The following ZNF69 variants were observed in gnomAD, a reference collection of about 807,000 sequenced individuals.
ZNF69 encodes the protein ZNF3.
A neutral mutation model predicts 50.9 loss-of-function variants in ZNF69; 47 were observed. The observed-to-expected ratio is 0.92, with a 90% CI of 0.73 to 1.18. The LOEUF (loss-of-function observed/expected upper bound fraction) is 1.18. Ranked by LOEUF, ZNF69 falls within the 50% of genes most tolerant of loss-of-function variation. ZNF69 has a pLI of 0.00. For synonymous variants in ZNF69, 216 were observed against 223.1 expected, an observed-to-expected ratio of 0.97 and a Z score of 0.29; for missense variants, 717 against 675.1, an observed-to-expected ratio of 1.06 and a Z score of -0.69.
chr19:11,967,108 G>A, the ZNF69 span, among the ~76,000 whole-genome samples: 1 of 152,218 alleles, frequency 6.6e-6, no homozygotes, highest in Non-Finnish European at 1.5e-5. Context: ...GCCAAGGCGG[G>A]AGGATCACTT....
At chr19:11,911,139 G>A (rs1252978855), downstream of ZNF69, among the ~76,000 whole-genome samples, 1 of 152,156 alleles carries the variant, frequency 6.6e-6, no homozygotes, top group Non-Finnish European at 1.5e-5. Context: ...TCTCACACCA[G>A]TTAGAATGGC....
chr19:11,949,050 C>T, the ZNF69 span: 1 of 1,608,190 alleles, frequency 6.2e-7, no homozygotes. Context: ...ATGGGGAAGG[C>T]TTATCCTATC....
Position 11,903,694 on chromosome 19 carries a change from C to T in ZNF69, c.185C>T (p.Ser62Phe). ...VMLETFRNLT[S>F]VGKSWKDQNI... is the part of the protein sequence containing the mutation. The stretch of plus-strand genomic sequence containing the variant: ...CTGGAAACTTTCAGGAACCTGACCT[C>T]TGTAGGTAAGGATGACATATTCCTT... The change falls in exon 2 of 4, where the codon TCT becomes TTT. Residue 62 changes from serine to phenylalanine, a missense_variant. Physicochemically the swap from Ser to Phe is radical, Grantham distance 155. Transcript: ENST00000429654. The T allele has an allele frequency of 6.2e-7, 1 of 1,614,000 alleles. No homozygotes were observed. Among genetic ancestry groups the T allele is most frequent in the African/African-American group, 1.3e-5 (1 of 75,030 alleles).
chr19:11,937,433 C>G, the ZNF69 span, among the ~76,000 whole-genome samples: 117 of 151,534 alleles, frequency 7.7e-4, no homozygotes, highest in African/African-American at 2.5e-3. Flanking sequence ...CTGCCTTGGC[C>G]TCTGGTTTTG....
the ZNF69 span, among the ~76,000 whole-genome samples, chr19:11,921,979 G>A: frequency 6.6e-6 from 1 of 152,122 alleles, no homozygotes; most frequent in East Asian, 1.9e-4. Flanking sequence ...GGCAAGGCAA[G>A]GGTTAAAAAG....
At chr19:11,925,231 G>A in the ZNF69 span, 1 of 1,613,132 alleles carries the variant, frequency 6.2e-7, no homozygotes, top group Non-Finnish European at 8.5e-7. Flanking sequence ...GTAGTCACAG[G>A]AGCTGTAGAG....
At chr19:11,948,678 G>T in the ZNF69 span, 2 of 1,612,166 alleles carry the variant, frequency 1.2e-6, no homozygotes, top group Non-Finnish European at 1.7e-6. Flanking sequence ...TGCACAGTGG[G>T]GATGGAACTT....
At position 11,887,845 on chromosome 19, in the gene ZNF69, C is replaced by A; in HGVS notation, c.-79C>A. 1.5e-6 allele frequency: 2 copies of A among 1,338,234 alleles called. No individual in the cohort carries two copies. Among genetic ancestry groups the A allele is most frequent in the Non-Finnish European group, 2.1e-6 (2 of 949,122 alleles). 82.9% of individuals were successfully genotyped at this position (1,338,234 alleles called of 1,614,324 possible). Reference sequence around the variant, plus strand: ...CTCACCTTTGTCCCTGCGCGGGCTGCGGCTGGGATCCGGTCTTTCCAGCCC... The same window carrying A: ...CTCACCTTTGTCCCTGCGCGGGCTGAGGCTGGGATCCGGTCTTTCCAGCCC... On this transcript the variant is annotated 5_prime_UTR_variant, in exon 1 of 4. Transcript: ENST00000429654.
downstream of ZNF69, among the ~76,000 whole-genome samples, chr19:11,907,122 T>C (rs1472081014): frequency 2.0e-5 from 3 of 152,034 alleles, no homozygotes; most frequent in African/African-American, 4.8e-5. Flanking sequence ...AAGAGAAGTT[T>C]AGAGAAAAAA....
chr19:11,895,983 G>T (rs566432066), intron 1 of ZNF69, among the ~76,000 whole-genome samples: 1 of 152,084 alleles, frequency 6.6e-6, no homozygotes, highest in African/African-American at 2.4e-5. Context: ...ACTTTGGGAG[G>T]CTGAGGCGGG....
At chr19:11,913,348 A>T in intron 4 of ZNF69, 2 of 562,124 alleles carry the variant, frequency 3.6e-6, no homozygotes, top group South Asian at 2.3e-5. Flanking sequence ...TTTACTTTTC[A>T]TGCTTATGTA....
intron 1 of ZNF69, among the ~76,000 whole-genome samples, chr19:11,898,466 C>G (rs1342156123): frequency 6.7e-6 from 1 of 148,900 alleles, no homozygotes; most frequent in African/African-American, 2.5e-5. Flanking sequence ...TCTCGGCTCA[C>G]AGCAACCTCC....
chr19:11,955,489 G>A, the ZNF69 span, among the ~76,000 whole-genome samples: 1 of 151,276 alleles, frequency 6.6e-6, no homozygotes, highest in South Asian at 2.1e-4. Context: ...CATCTTCCAG[G>A]CTTAAGCTAT....
chr19:11,932,865 C>T, the ZNF69 span, among the ~76,000 whole-genome samples: 2 of 148,004 alleles, frequency 1.4e-5, no homozygotes, highest in Non-Finnish European at 2.9e-5. Flanking sequence ...TCTCAATATC[C>T]TGACCTCGTG....
In ZNF69 at chr19:11,905,389, C is replaced by G. The variant is rs1023047455; in HGVS notation, c.992C>G (p.Pro331Arg). Residue 331 changes from proline to arginine, a missense_variant, in exon 4 of 4, where the codon CCC (proline) becomes CGC (arginine). By Grantham distance (103) the Pro-to-Arg change is moderately radical. Coordinates refer to ENST00000429654, the MANE Select transcript of ZNF69 (RefSeq NM_001364730.1). ...IHERTHSRKKPYECTQCGKAL... is the reference protein window; with the variant it reads ...IHERTHSRKKRYECTQCGKAL... ...GAAAGGACCCACTCTAGGAAAAAAC[C>G]CTATGAATGTACGCAGTGTGGGAAA... 1.2e-6 allele frequency: 2 copies of G among 1,614,034 alleles called. No individual in the cohort carries two copies. The highest frequency in any genetic ancestry group is 2.7e-5 in the African/African-American group (2 of 74,916).
At chr19:11,976,555 C>CA in the ZNF69 span, among the ~76,000 whole-genome samples, 17,956 of 73,182 alleles carry the variant, frequency 0.25, 2,353 homozygotes, top group Non-Finnish European at 0.35. Flanking sequence ...GACTCTGTCT[C>CA]AAAAAAAAAA....
downstream of ZNF69, among the ~76,000 whole-genome samples, chr19:11,915,226 T>C (rs537929816): frequency 6.6e-6 from 1 of 152,174 alleles, no homozygotes; most frequent in Admixed American, 6.5e-5. Context: ...AAGAAAGAGT[T>C]GGATGCACCT....
chr19:11,950,684 C>A, the ZNF69 span: 2 of 265,552 alleles, frequency 7.5e-6, no homozygotes, highest in Non-Finnish European at 1.5e-5. Context: ...TTAATGTAAA[C>A]AATTATCATA....
At position 11,903,940 on chromosome 19, in the gene ZNF69, T is replaced by C. The variant is rs746738321; in HGVS notation, c.226T>C (p.Tyr76His). The C allele has an allele frequency of 2.4e-5, 39 of 1,613,776 alleles. No homozygotes were observed. The highest frequency in any genetic ancestry group is 6.7e-5 in the African/African-American group (5 of 74,914). Residue 76 changes from tyrosine to histidine, a missense_variant, in exon 3 of 4, where the codon TAC (tyrosine) becomes CAC (histidine). Coordinates refer to ENST00000429654, the MANE Select transcript of ZNF69 (RefSeq NM_001364730.1). ...SWKDQNIEYE[Y>H]QNPRRNFRSL... The stretch of plus-strand genomic sequence containing the variant: ...GAAAGACCAGAACATTGAATATGAG[T>C]ACCAAAACCCCAGGAGAAACTTCAG...
Sources: gnomAD v4.1 joint callset for allele counts (sites outside exome capture counted in the v4.1 genomes callset) on GRCh38, gnomAD v4.1.1 for gene constraint, MANE v1.5 for transcripts, NCBI Gene and HGNC (gene_info 2026-07-23, HGNC 2026-07-21) for gene names.